Variants in TACC1 observed in about 807,000 individuals in gnomAD.
The protein encoded by TACC1 is transforming acidic coiled-coil containing protein 1.
In TACC1, 48 loss-of-function variants were observed where a neutral mutation model predicts 84.4. That is an observed-to-expected ratio of 0.57 (90% CI 0.45 to 0.72). The LOEUF is 0.72. TACC1 is among the 30% of genes least tolerant of loss of function. TACC1 has a pLI of 0.00. For synonymous variants in TACC1, 372 were observed against 376.3 expected (o/e 0.99, Z 0.13); for missense variants, 920 against 973.0 (o/e 0.95, Z 0.72).
intron 3 of TACC1, among the ~76,000 whole-genome samples, chr8:38,777,326 G>A (rs1420449912): frequency 5.3e-5 from 8 of 151,944 alleles, no homozygotes; most frequent in Non-Finnish European, 1.2e-4. Context: ...AATTAGTCTA[G>A]GGCCGCAGGC....
chr8:38,772,300 GT>G (rs1315599948), intron 3 of TACC1, among the ~76,000 whole-genome samples: 1 of 152,202 alleles, frequency 6.6e-6, no homozygotes, highest in Non-Finnish European at 1.5e-5. Context: ...GTTTGGCTAT[GT>G]GTATCAAAAT....
chr8:38,738,698 A>G (rs904317502), intron 1 of TACC1, among the ~76,000 whole-genome samples: 5 of 151,178 alleles, frequency 3.3e-5, no homozygotes, highest in African/African-American at 7.3e-5. Context: ...GTTCTACAAG[A>G]TACTCCAGGC....
intron 5 of TACC1, among the ~76,000 whole-genome samples, chr8:38,829,762 A>C (rs922108340): frequency 2.6e-5 from 4 of 152,178 alleles, no homozygotes; most frequent in Non-Finnish European, 4.4e-5. Flanking sequence ...GCTGTCTTCA[A>C]AGTTAGCAAA....
chr8:38,782,673 G>C (rs1025938145), upstream of TACC1, among the ~76,000 whole-genome samples: 2 of 152,146 alleles, frequency 1.3e-5, no homozygotes, highest in African/African-American at 2.4e-5. Flanking sequence ...TGTTTAACAG[G>C]CTCTGTAAAT....
At position 38,825,388 on chromosome 8, in the gene TACC1, C is replaced by T. The variant is rs1827819476; in HGVS notation, c.1452+20C>T. ...TCTCGGGTGAGTCTGTGCCCATCTC[C>T]AGAATGTCTCTGAGACCAGGGGTCC... On this transcript the variant is annotated intron_variant, in intron 4 of 12. Transcript: ENST00000317827. 6.2e-7 allele frequency: 1 copy of T among 1,613,734 alleles called. No homozygotes were observed. The highest frequency in any genetic ancestry group is 1.3e-5 in the African/African-American group (1 of 74,884).
upstream of TACC1, chr8:38,787,093 AT>A: frequency 1.0e-6 from 1 of 970,278 alleles, no homozygotes; most frequent in Non-Finnish European, 1.2e-6. Context: ...CGGTAGGGGG[AT>A]CCGGCGGGCG....
chr8:38,815,273 C>G (rs16887776), intron 2 of TACC1, among the ~76,000 whole-genome samples: 2 of 152,186 alleles, frequency 1.3e-5, no homozygotes, highest in South Asian at 2.1e-4. Flanking sequence ...GTTCCTAGAA[C>G]GCCTGTTCAT....
chr8:38,840,371 C>CA (rs1831021533), intron 9 of TACC1, 104 bp downstream of exon 9: 1 of 1,049,628 alleles, frequency 9.5e-7, no homozygotes, highest in South Asian at 1.4e-5. Context: ...TTATAAACAA[C>CA]AAACATTTTT....
chr8:38,731,117 G>A (rs866427682), intron 1 of TACC1, among the ~76,000 whole-genome samples: 11 of 151,936 alleles, frequency 7.2e-5, no homozygotes, highest in African/African-American at 2.2e-4. Flanking sequence ...TTTAATTTTT[G>A]TGTAGAGATG....
At chr8:38,795,601 G>A (rs1231775360) in intron 2 of TACC1, among the ~76,000 whole-genome samples, 3 of 152,186 alleles carry the variant, frequency 2.0e-5, no homozygotes, top group Non-Finnish European at 2.9e-5. Context: ...CAGTTATACT[G>A]CCCAGAGGAA....
intron 3 of TACC1, among the ~76,000 whole-genome samples, chr8:38,749,237 C>A (rs1342357926): frequency 1.3e-5 from 2 of 152,098 alleles, no homozygotes; most frequent in African/African-American, 4.8e-5. Context: ...AAATAGAAAG[C>A]TTGAACAGCC....
At chr8:38,792,269 A>T (rs1471432037) in intron 2 of TACC1, among the ~76,000 whole-genome samples, 2 of 152,084 alleles carry the variant, frequency 1.3e-5, no homozygotes, top group Non-Finnish European at 2.9e-5. Flanking sequence ...CTAGGAATGG[A>T]CTTTTGAGGA....
intron 5 of TACC1, among the ~76,000 whole-genome samples, chr8:38,829,099 C>T (rs1828721351): frequency 6.6e-6 from 1 of 152,170 alleles, no homozygotes; most frequent in African/African-American, 2.4e-5. Context: ...TTAAACTTTA[C>T]TTATGAAAAG....
chr8:38,743,764 G>A (rs1248638010), intron 2 of TACC1, among the ~76,000 whole-genome samples: 1 of 152,186 alleles, frequency 6.6e-6, no homozygotes, highest in Non-Finnish European at 1.5e-5. Flanking sequence ...GCTCATGCCT[G>A]TAGTCTCAGC....
In TACC1 at chr8:38,788,721, A is replaced by G. The variant is rs1170571236; in HGVS notation, c.179A>G (p.Asn60Ser). ...SLSFSSDSEG[N>S]FETPEAETPI... ...CTTGGCAGCTCGGATTCTGAAGGTA[A>G]TTTTGAGACTCCTGAAGCTGAAACC... Residue 60 changes from asparagine to serine, a missense_variant, in exon 2 of 13, where the codon AAT becomes AGT. This residue lies in a region of TACC1 where 762 missense variants were observed against 747.3 expected (regional missense o/e 1.02). Transcript: ENST00000317827. The G allele has an allele frequency of 6.2e-7, 1 of 1,613,498 alleles. No individual in the cohort carries two copies. The highest frequency in any genetic ancestry group is 8.5e-7 in the Non-Finnish European group (1 of 1,179,870).
intron 1 of TACC1, chr8:38,728,866 C>T (rs1804355456): frequency 6.6e-6 from 1 of 152,214 alleles, no homozygotes; most frequent in South Asian, 2.1e-4. Flanking sequence ...AACTTTAATT[C>T]TTGGGTCTCT....
rs557811024 is a variant in TACC1, at chr8:38,777,449, G to A, written c.27-11255G>A. 8.5e-5 allele frequency among the ~76,000 whole-genome samples: 13 copies of A among 152,164 alleles called. No individual in the cohort carries two copies. In the South Asian group the frequency reaches 2.3e-3, roughly 27 times the overall value. On this transcript the variant is annotated intron_variant, in intron 3 of 14. Transcript: ENST00000518415. ...TGTGACACGCAGTTCACAACTTTTC[G>A]GCCGGGAGAGGCTGGACATGCAGTT...
chr8:38,820,193 C>A lies in TACC1; in HGVS notation c.949C>A (p.Pro317Thr), dbSNP rs778242102. ...VELGEESRSS[P>T]LKLEFDFTED... ...GCTGGGGGAGGAGTCGAGGAGCTCACCTCTCAAGCTTGAGTTTGATTTCAC... is the reference window on the plus strand; with the variant it reads ...GCTGGGGGAGGAGTCGAGGAGCTCAACTCTCAAGCTTGAGTTTGATTTCAC... The change falls in exon 3 of 13, where the codon CCT (proline) becomes ACT (threonine). Residue 317 changes from proline (P) to threonine (T), a missense_variant. This residue lies in a region of TACC1 where 762 missense variants were observed against 747.3 expected (regional missense o/e 1.02). Transcript: ENST00000317827. 1 of 1,613,908 alleles carries A rather than the reference C, an allele frequency of 6.2e-7. No homozygotes were observed. Among genetic ancestry groups the A allele is most frequent in the Non-Finnish European group, 8.5e-7 (1 of 1,179,994 alleles).
chr8:38,783,102 CTATCTATATATATA>C (rs1411691816), upstream of TACC1, among the ~76,000 whole-genome samples: 47 of 97,230 alleles, frequency 4.8e-4, no homozygotes, highest in African/African-American at 1.5e-3. Context: ...ATCTATCTAT[CTATCTATATATATA>C]TATATATATA....
Sources: gnomAD v4.1 joint callset for allele counts (sites outside exome capture counted in the v4.1 genomes callset) on GRCh38, gnomAD v4.1.1 for gene constraint, gnomAD v4.1.1 regional missense constraint, MANE v1.5 for transcripts, NCBI Gene and HGNC (gene_info 2026-07-23, HGNC 2026-07-21) for gene names.